FXR1: variants seen among roughly 807,000 people sequenced by gnomAD.
FXR1 encodes FMR1 autosomal homolog 1.
In FXR1, 15 loss-of-function variants were observed where a neutral mutation model predicts 84.0. That is an observed-to-expected ratio of 0.18 (90% CI 0.12 to 0.27). FXR1 has a LOEUF of 0.27. FXR1 is among the 10% of genes least tolerant of loss of function. The pLI is 1.00. For synonymous variants in FXR1, 245 were observed against 250.7 expected (o/e 0.98, Z 0.21); for missense variants, 480 against 774.4 (o/e 0.62, Z 4.51).
intron 3 of FXR1, among the ~76,000 whole-genome samples, chr3:180,942,317 G>A (rs1279889689): frequency 7.2e-6 from 1 of 138,880 alleles, no homozygotes; most frequent in East Asian, 2.2e-4. Flanking sequence ...GGTGGAGCTC[G>A]CAGTGAGCTG....
chr3:180,930,121 G>T (rs1719710817), intron 1 of FXR1, among the ~76,000 whole-genome samples: 1 of 152,176 alleles, frequency 6.6e-6, no homozygotes. Flanking sequence ...AAATTAGCTG[G>T]GCGTGGTGGC....
At position 180,978,545 on chromosome 3, in the gene FXR1, A is replaced by T. The variant is rs1037120783; in HGVS notation, c.*2253A>T. 3 of 152,026 alleles carry T rather than the reference A, an allele frequency of 2.0e-5. No individual in the cohort carries two copies. Among genetic ancestry groups the T allele is most frequent in the South Asian group, 4.1e-4 (2 of 4,828 alleles). The allele number at this position is 152,026 out of a possible 1,614,324, so 9.4% of individuals were successfully genotyped here. Reference sequence around the variant, plus strand: ...TATCCTAGTTAGGTGAGATGTTGCTATGGGAAGAACTTGCCACTATACACT... The same window carrying T: ...TATCCTAGTTAGGTGAGATGTTGCTTTGGGAAGAACTTGCCACTATACACT... On this transcript the variant is annotated 3_prime_UTR_variant, in exon 17 of 17. Transcript: ENST00000357559.
chr3:180,913,010 T>C (rs987970139), intron 1 of FXR1, among the ~76,000 whole-genome samples: 4 of 152,002 alleles, frequency 2.6e-5, no homozygotes, highest in African/African-American at 9.7e-5. Context: ...GGCGGGCCGG[T>C]GGGAAGCAAC....
At chr3:180,956,693 C>CTT (rs913282130) in intron 9 of FXR1, among the ~76,000 whole-genome samples, 6 of 144,484 alleles carry the variant, frequency 4.2e-5, no homozygotes, top group Non-Finnish European at 6.1e-5. Context: ...CCCTGCCCTA[C>CTT]TTTTTTTTTT....
At position 180,962,964 on chromosome 3, in the gene FXR1, A is replaced by T. The variant is rs748972995; in HGVS notation, c.1135+24A>T. 1.3e-5 allele frequency: 21 copies of T among 1,610,426 alleles called. No individual in the cohort carries two copies. In the South Asian group the frequency reaches 2.3e-4, roughly 18 times the overall value. On this transcript the variant is annotated intron_variant, in intron 12 of 16. Transcript: ENST00000357559. The stretch of plus-strand genomic sequence containing the variant: ...TGGTATGGGTTTCAGACCTTCTTCC[A>T]CCAGAGGGCCTGAAAAAGAGAAAGG...
At chr3:180,938,372 G>C (rs557262935) in intron 3 of FXR1, among the ~76,000 whole-genome samples, 3 of 152,042 alleles carry the variant, frequency 2.0e-5, no homozygotes, top group Non-Finnish European at 2.9e-5. Context: ...TTGTAAACTT[G>C]GTGGATGGAA....
chr3:180,956,478 G>A (rs1011342487), intron 9 of FXR1, among the ~76,000 whole-genome samples: 41 of 152,174 alleles, frequency 2.7e-4, no homozygotes, highest in African/African-American at 9.7e-4. Flanking sequence ...CTCAAAACTG[G>A]TATAGTTCAC....
rs1038235890 is a variant in FXR1 at position 180,971,904 on chromosome 3, A to G, written c.1603+1546A>G. 6 of 152,634 alleles carry G rather than the reference A, an allele frequency of 3.9e-5. No homozygotes were observed. The East Asian group carries it at 9.7e-4, about 25-fold the overall frequency. The allele number at this position is 152,634 out of a possible 1,614,324, so 9.5% of individuals were successfully genotyped here. A position where few individuals can be genotyped will look rare whatever the true frequency, so the allele number is the denominator to read the frequency against. On this transcript the variant is annotated intron_variant, in intron 15 of 16. Transcript: ENST00000357559. Reference sequence around the variant, plus strand: ...AAATAAACCCCTTTCAAACTAATCAATTTTTGCATTCTTTCCAAAACCAGT... The same window carrying G: ...AAATAAACCCCTTTCAAACTAATCAGTTTTTGCATTCTTTCCAAAACCAGT...
At chr3:180,928,068 G>C (rs1719438480) in intron 1 of FXR1, among the ~76,000 whole-genome samples, 1 of 149,432 alleles carries the variant, frequency 6.7e-6, no homozygotes, top group Admixed American at 6.7e-5. Flanking sequence ...ATTGGCTCCT[G>C]ATTTCTCCTG....
chr3:180,960,009 T>C (rs139418974), intron 10 of FXR1, among the ~76,000 whole-genome samples: 5 of 152,244 alleles, frequency 3.3e-5, no homozygotes, highest in Non-Finnish European at 7.4e-5. Flanking sequence ...TTCTGTAAAA[T>C]GAAGAAAATG....
chr3:180,948,709 A>C lies in FXR1; in HGVS notation c.420-12A>C. The stretch of plus-strand genomic sequence containing the variant: ...TTATTGAGTTCTTACACATAAATTG[A>C]TTTCTCTCTAGGTGTGCTAATGAAA... On this transcript the variant is annotated splice_polypyrimidine_tract_variant and intron_variant, in intron 5 of 16. Coordinates refer to ENST00000357559, the MANE Select transcript of FXR1 (RefSeq NM_005087.4). 7.1e-7 allele frequency: 1 copy of C among 1,404,094 alleles called. No individual in the cohort carries two copies. The allele number at this position is 1,404,094 out of a possible 1,614,324, so 87.0% of individuals were successfully genotyped here.
intron 1 of FXR1, chr3:180,915,357 C>T (rs1370078395): frequency 3.3e-6 from 2 of 598,998 alleles, no homozygotes; most frequent in Non-Finnish European, 5.7e-6. Flanking sequence ...TTCCTCAACC[C>T]CAGCTTCTAG....
At position 180,935,012 on chromosome 3, in the gene FXR1, T is replaced by C. The variant is rs1720356381; in HGVS notation, c.105-126T>C. On this transcript the variant is annotated intron_variant, in intron 2 of 16. Transcript: ENST00000357559. The stretch of plus-strand genomic sequence containing the variant: ...AACTAATTTCTTGGGAAATTATTAA[T>C]AGTATGAATGTTGTTTTCCTTCTCT... 11 of 547,660 alleles carry C rather than the reference T, an allele frequency of 2.0e-5. 1 individual carries two copies. In the South Asian group the frequency reaches 3.0e-4, roughly 15 times the overall value. The allele number at this position is 547,660 out of a possible 1,614,324, so 33.9% of individuals were successfully genotyped here. A position where few individuals can be genotyped will look rare whatever the true frequency, so the allele number is the denominator to read the frequency against.
At chr3:180,974,965 C>G (rs1342464743) in intron 15 of FXR1, among the ~76,000 whole-genome samples, 1 of 121,862 alleles carries the variant, frequency 8.2e-6, no homozygotes, top group Non-Finnish European at 1.6e-5. Context: ...CCGATAATTG[C>G]AAACACTGGG....
intron 1 of FXR1, among the ~76,000 whole-genome samples, chr3:180,916,191 C>T (rs1259587862): frequency 1.3e-5 from 2 of 151,914 alleles, no homozygotes; most frequent in Non-Finnish European, 1.5e-5. Context: ...ATAAAACAAC[C>T]TTTTTTAAGT....
chr3:180,954,347 G>A (rs1371144619), intron 9 of FXR1, among the ~76,000 whole-genome samples: 2 of 152,180 alleles, frequency 1.3e-5, no homozygotes, highest in Non-Finnish European at 2.9e-5. Context: ...GAAGTTGTGG[G>A]CAGGAGAGAA....
intron 3 of FXR1, among the ~76,000 whole-genome samples, chr3:180,942,509 A>AT (rs903036898): frequency 6.7e-5 from 10 of 149,112 alleles, no homozygotes; most frequent in African/African-American, 1.7e-4. Flanking sequence ...GAGTTTAGAG[A>AT]TTTTTTTTGA....
At chr3:180,920,161 TGAA>T (rs1718407867) in intron 1 of FXR1, among the ~76,000 whole-genome samples, 1 of 152,194 alleles carries the variant, frequency 6.6e-6, no homozygotes, top group African/African-American at 2.4e-5. Flanking sequence ...CAGAGGCTCC[TGAA>T]TTCCTTTCTT....
chr3:180,924,744 G>A (rs535643084), intron 1 of FXR1, among the ~76,000 whole-genome samples: 37 of 152,076 alleles, frequency 2.4e-4, no homozygotes, highest in African/African-American at 7.2e-4. Flanking sequence ...CACCTGCCTC[G>A]GCCTCCCAAA....
Sources: gnomAD v4.1 joint callset for allele counts (sites outside exome capture counted in the v4.1 genomes callset) on GRCh38, gnomAD v4.1.1 for gene constraint, MANE v1.5 for transcripts, NCBI Gene and HGNC (gene_info 2026-07-23, HGNC 2026-07-21) for gene names.